The following ARHGAP6 variants were observed in gnomAD, a reference collection of about 807,000 sequenced individuals.
The protein encoded by ARHGAP6 is Rho GTPase activating protein 6.
Under a neutral mutation model 55.7 loss-of-function variants are expected in ARHGAP6, and 16 were observed. The observed-to-expected ratio is 0.29, with a 90% confidence interval of 0.19 to 0.44. The LOEUF is 0.44. Among genes scored for constraint, ARHGAP6 ranks in the 20% least tolerant of loss-of-function variants. The pLI is 1.00. For synonymous variants in ARHGAP6, 382 were observed against 360.9 expected (o/e 1.06, Z -0.66); for missense variants, 698 against 808.9 (o/e 0.86, Z 1.66).
chrX:11,167,104 T>C (rs2046027462), intron 9 of ARHGAP6, among the ~76,000 whole-genome samples: 1 of 112,094 alleles, frequency 8.9e-6, no homozygotes, highest in South Asian at 3.7e-4. Flanking sequence ...AGAACAACCA[T>C]TGAGTCATTC....
intron 1 of ARHGAP6, among the ~76,000 whole-genome samples, chrX:11,498,695 A>C (rs1436469576): frequency 8.9e-6 from 1 of 111,736 alleles, no homozygotes; most frequent in Admixed American, 9.5e-5. Flanking sequence ...AAATAGTAAA[A>C]AGTAAACCAA....
At chrX:11,179,588 T>A (rs892963062) in intron 6 of ARHGAP6, 136 bp from the exon 7 acceptor site, 1 of 701,543 alleles carries the variant, frequency 1.4e-6, no homozygotes, top group African/African-American at 2.2e-5. Context: ...GCAAACAACA[T>A]CCTCACCTTG....
At chrX:11,246,557 G>A (rs895109824) in intron 2 of ARHGAP6, among the ~76,000 whole-genome samples, 16 of 111,896 alleles carry the variant, frequency 1.4e-4, no homozygotes, top group Admixed American at 1.1e-3. Flanking sequence ...TTGTGTATTA[G>A]GCAGTACAGA....
chrX:11,193,392 T>G (rs1868889394), intron 3 of ARHGAP6, among the ~76,000 whole-genome samples: 1 of 112,735 alleles, frequency 8.9e-6, no homozygotes, highest in African/African-American at 3.2e-5. Flanking sequence ...GGAAATAATG[T>G]GAATAGATTA....
At chrX:11,279,286 T>C (rs1210691895) in intron 1 of ARHGAP6, among the ~76,000 whole-genome samples, 4 of 112,306 alleles carry the variant, frequency 3.6e-5, no homozygotes, top group Non-Finnish European at 7.5e-5. Context: ...GCTTTAGCAC[T>C]GAATATATTT....
intron 1 of ARHGAP6, among the ~76,000 whole-genome samples, chrX:11,550,319 A>G (rs776859220): frequency 3.6e-5 from 4 of 112,162 alleles, no homozygotes; most frequent in Non-Finnish European, 7.5e-5. Context: ...TAAAAAATAC[A>G]GGAACCTTGG....
chrX:11,565,886 C>G (rs1239123816), intron 1 of ARHGAP6, among the ~76,000 whole-genome samples: 1 of 111,616 alleles, frequency 9.0e-6, no homozygotes, highest in African/African-American at 3.3e-5. Context: ...AGATAACAAG[C>G]AAAGGTTCAA....
chrX:11,440,476 C>T (rs999477898), intron 1 of ARHGAP6, among the ~76,000 whole-genome samples: 5 of 111,672 alleles, frequency 4.5e-5, no homozygotes. Context: ...GAGAAATTTC[C>T]CTCCACCTAT....
intron 1 of ARHGAP6, among the ~76,000 whole-genome samples, chrX:11,491,739 T>C (rs890359311): frequency 2.7e-5 from 3 of 111,092 alleles, no homozygotes; most frequent in Non-Finnish European, 5.6e-5. Flanking sequence ...AGTAATGGGA[T>C]GGCTGGTTCA....
At chrX:11,552,820 G>A (rs181453365) in intron 1 of ARHGAP6, among the ~76,000 whole-genome samples, 18 of 107,082 alleles carry the variant, frequency 1.7e-4, no homozygotes, top group Non-Finnish European at 3.3e-4. Context: ...GATAGGGGCT[G>A]GAGATGGAGA....
At chrX:11,637,849 T>C (rs1042566091) in intron 1 of ARHGAP6, among the ~76,000 whole-genome samples, 56 of 110,975 alleles carry the variant, frequency 5.0e-4, no homozygotes, top group African/African-American at 1.7e-3. Flanking sequence ...TTCTCTCAAA[T>C]TGGTTTCACA....
intron 1 of ARHGAP6, among the ~76,000 whole-genome samples, chrX:11,399,990 T>A (rs1407466524): frequency 8.9e-6 from 1 of 111,988 alleles, no homozygotes; most frequent in Non-Finnish European, 1.9e-5. Flanking sequence ...ATATATTATA[T>A]GATTCTATTT....
intron 1 of ARHGAP6, among the ~76,000 whole-genome samples, chrX:11,506,472 T>C (rs962662265): frequency 3.1e-4 from 34 of 110,179 alleles, no homozygotes; most frequent in Non-Finnish European, 6.1e-4. Flanking sequence ...CTCCCACTTA[T>C]GAGTGACAAC....
At chrX:11,359,337 C>A (rs753545543) in intron 1 of ARHGAP6, among the ~76,000 whole-genome samples, 1 of 111,863 alleles carries the variant, frequency 8.9e-6, no homozygotes, top group Admixed American at 9.5e-5. Flanking sequence ...CAGGAACACA[C>A]AATTATTCAG....
intron 1 of ARHGAP6, among the ~76,000 whole-genome samples, chrX:11,406,549 A>C (rs2049611364): frequency 9.0e-6 from 1 of 111,404 alleles, no homozygotes; most frequent in Non-Finnish European, 1.9e-5. Context: ...CATGACTATC[A>C]GCCAGTTAAA....
intron 1 of ARHGAP6, among the ~76,000 whole-genome samples, chrX:11,361,574 C>T (rs1320848203): frequency 1.8e-5 from 2 of 109,670 alleles, no homozygotes; most frequent in African/African-American, 3.3e-5. Flanking sequence ...TAGGCAATAC[C>T]ATTCAGGACA....
In ARHGAP6 at chrX:11,137,977, C is replaced by A. The variant is rs1262904117; in HGVS notation, c.*886G>T. 2 of 109,844 alleles carry A rather than the reference C, an allele frequency of 1.8e-5. No homozygotes were observed. The highest frequency in any genetic ancestry group is 3.8e-5 in the Non-Finnish European group (2 of 52,378). The allele number at this position is 109,844 out of a possible 1,213,427, so 9.1% of individuals were successfully genotyped here. A position where few individuals can be genotyped will look rare whatever the true frequency, so the allele number is the denominator to read the frequency against. On this transcript the variant is annotated 3_prime_UTR_variant, in exon 13 of 13. Transcript: ENST00000337414. ...ATAATTTGAATATTCTGTGTAGATT[C>A]TTAAACACTTTATAGTTGGATTCCA...
At chrX:11,593,266 G>A (rs1390024809) in intron 1 of ARHGAP6, among the ~76,000 whole-genome samples, 2 of 111,716 alleles carry the variant, frequency 1.8e-5, no homozygotes, top group African/African-American at 6.5e-5. Context: ...GGAGAAATAC[G>A]ACCTTTGGCT....
chrX:11,358,814 C>G (rs2048972040), intron 1 of ARHGAP6, among the ~76,000 whole-genome samples: 1 of 111,699 alleles, frequency 9.0e-6, no homozygotes, highest in African/African-American at 3.3e-5. Context: ...CCTCAGGTAG[C>G]TATGAGTGGT....
Sources: allele counts gnomAD v4.1 joint callset (sites outside exome capture counted in the v4.1 genomes callset), GRCh38; gene constraint gnomAD v4.1.1; transcripts MANE v1.5; gene names NCBI Gene and HGNC (gene_info 2026-07-23, HGNC 2026-07-21).